The following CNNM1 variants were observed in gnomAD, a reference collection of about 807,000 sequenced individuals.
CNNM1 encodes metal transporter CNNM1.
CNNM1 carries 44 observed loss-of-function variants against 78.8 expected under a neutral mutation model. That is an observed-to-expected ratio of 0.56 (90% CI 0.44 to 0.72). The LOEUF is 0.72. Among genes scored for constraint, CNNM1 ranks in the 30% least tolerant of loss-of-function variants. CNNM1 has a pLI of 0.00. For missense variants in CNNM1, 1,101 were observed against 1,292.2 expected (o/e 0.85, Z 2.27); for synonymous variants, 584 against 581.5 (o/e 1.00, Z -0.06).
At chr10:99,362,433 G>C in intron 4 of CNNM1, 37 bp downstream of exon 4, 1 of 1,591,440 alleles carries the variant, frequency 6.3e-7, no homozygotes, top group Non-Finnish European at 8.6e-7. Context: ...GAGAGCCAGA[G>C]GAGGGCATCT....
intron 1 of CNNM1, among the ~76,000 whole-genome samples, chr10:99,338,441 G>A (rs1174598802): frequency 6.6e-6 from 1 of 151,934 alleles, no homozygotes; most frequent in South Asian, 2.1e-4. Context: ...ACCATGCCCG[G>A]CTAAATTTTT....
intron 1 of CNNM1, among the ~76,000 whole-genome samples, chr10:99,347,857 C>T (rs1278770587): frequency 1.3e-5 from 2 of 151,960 alleles, no homozygotes; most frequent in Non-Finnish European, 2.9e-5. Context: ...CCTACCTCAC[C>T]GCCTTCAGGG....
intron 1 of CNNM1, among the ~76,000 whole-genome samples, chr10:99,339,164 A>G (rs1369930708): frequency 6.6e-6 from 1 of 152,234 alleles, no homozygotes; most frequent in African/African-American, 2.4e-5. Flanking sequence ...CACGTATGCT[A>G]GGCTGCTCCA....
intron 1 of CNNM1, among the ~76,000 whole-genome samples, chr10:99,340,429 T>C (rs867529469): frequency 2.0e-5 from 3 of 152,228 alleles, no homozygotes; most frequent in Admixed American, 6.5e-5. Flanking sequence ...TATCATCCTT[T>C]GTGAGTATTC....
rs575579077 is a variant in CNNM1, at chr10:99,365,611, G to C, written c.2176+609G>C. The stretch of plus-strand genomic sequence containing the variant: ...TGCCCTTTCTGTGCTGTGCCTTCTT[G>C]CTGTTTTCTGTGTAGTTATTGCACT... On this transcript the variant is annotated intron_variant, in intron 6 of 10. Transcript: ENST00000356713. Among the ~76,000 whole-genome samples the C allele has an allele frequency of 2.0e-5, 3 of 152,280 alleles. No homozygotes were observed. The East Asian group carries it at 5.8e-4, about 29-fold the overall frequency.
rs2031269473 is a variant in CNNM1 at position 99,357,655 on chromosome 10, A to G, written c.1717A>G (p.Thr573Ala). The G allele has an allele frequency of 6.2e-7, 1 of 1,607,864 alleles. No individual in the cohort carries two copies. Among genetic ancestry groups the G allele is most frequent in the Non-Finnish European group, 8.5e-7 (1 of 1,176,988 alleles). The stretch of plus-strand genomic sequence containing the variant: ...GATCCTGGATGAAACTGATCTCTAC[A>G]GTAAGTGCACGGCCTTGGCTGTTCT... Reference protein sequence around the residue: ...SEILDETDLYTDNRKKQRVPQ... With the variant: ...SEILDETDLYADNRKKQRVPQ... The change falls in exon 2 of 11, where the codon ACT (threonine) becomes GCT (alanine). Residue 573 changes from threonine (T) to alanine (A), a missense_variant and splice_region_variant. This residue lies in a region of CNNM1 where 277 missense variants were observed against 423.2 expected (regional missense o/e 0.65). Transcript: ENST00000356713.
chr10:99,367,377 G>A (rs182619791), intron 6 of CNNM1, among the ~76,000 whole-genome samples: 178 of 152,280 alleles, frequency 1.2e-3, no homozygotes, highest in African/African-American at 4.1e-3. Flanking sequence ...CTACAAAGAA[G>A]TCTCTGGCTT....
At position 99,383,413 on chromosome 10, in the gene CNNM1, A is replaced by G. The variant is rs914316467; in HGVS notation, c.2341-4407A>G. ...CTCAGCCTCCTGAGTAGTCAGGATT[A>G]CAGGCATGCGCCACCACGCCTGGCT... On this transcript the variant is annotated intron_variant, in intron 7 of 10. Coordinates refer to ENST00000356713, the MANE Select transcript of CNNM1 (RefSeq NM_020348.3). Among the ~76,000 whole-genome samples the G allele has an allele frequency of 2.0e-5, 3 of 152,092 alleles. No individual in the cohort carries two copies. The South Asian group carries it at 6.2e-4, about 31-fold the overall frequency.
chr10:99,377,303 T>C, intron 7 of CNNM1, 85 bp downstream of exon 7: 2 of 1,324,134 alleles, frequency 1.5e-6, no homozygotes, highest in Non-Finnish European at 2.1e-6. Flanking sequence ...CCCCCATTCC[T>C]AGGAGGGATG....
intron 1 of CNNM1, among the ~76,000 whole-genome samples, chr10:99,345,059 A>G (rs963602796): frequency 6.6e-6 from 1 of 152,240 alleles, no homozygotes; most frequent in Non-Finnish European, 1.5e-5. Context: ...CAAGAGGCAG[A>G]CAGACCTGGG....
At position 99,329,957 on chromosome 10, in the gene CNNM1, T is replaced by C; in HGVS notation, c.570T>C (p.Asp190=). The change falls in exon 1 of 11, where the codon GAT becomes GAC. Residue 190 remains aspartate, a synonymous_variant. Transcript: ENST00000356713. Reference sequence around the variant, plus strand: ...AGCTCTTTTCACTCTGCGCCTGGGATGGGCGCGCGTGGCACCACCACGGCG... The same window carrying C: ...AGCTCTTTTCACTCTGCGCCTGGGACGGGCGCGCGTGGCACCACCACGGCG... ...GGKLFSLCAW[D]GRAWHHHGAA... The C allele has an allele frequency of 2.2e-6, 3 of 1,385,098 alleles. No individual in the cohort carries two copies. The highest frequency in any genetic ancestry group is 2.8e-6 in the Non-Finnish European group (3 of 1,080,570). 85.8% of individuals were successfully genotyped at this position (1,385,098 alleles called of 1,614,324 possible).
At chr10:99,344,073 T>C (rs12777602) in intron 1 of CNNM1, among the ~76,000 whole-genome samples, 148,449 of 150,150 alleles carry the variant, frequency 0.99, 73,383 homozygotes, top group East Asian at 1. Flanking sequence ...TGGCTCACCC[T>C]TGTAATCCCA....
rs141597525 is a variant in CNNM1 at position 99,350,205 on chromosome 10, G to A, written c.1574-7307G>A. ...TAAGAAAGAGGAGACACTCAATGCT[G>A]TCTACCAAATGAATAAAAGATGCTG... On this transcript the variant is annotated intron_variant, in intron 1 of 10. Transcript: ENST00000356713. Among the ~76,000 whole-genome samples the A allele has an allele frequency of 2.0e-3, 301 of 152,236 alleles. 2 individuals are homozygous for A. Among genetic ancestry groups the A allele is most frequent in the African/African-American group, 6.3e-3 (260 of 41,528 alleles).
In CNNM1 at chr10:99,392,726, C is replaced by G. The variant is rs2032508327; in HGVS notation, c.*1210C>G. 1 of 152,350 alleles carries G rather than the reference C, an allele frequency of 6.6e-6. No individual in the cohort carries two copies. Among genetic ancestry groups the G allele is most frequent in the Admixed American group, 6.5e-5 (1 of 15,304 alleles). The allele number at this position is 152,350 out of a possible 1,614,324, so 9.4% of individuals were successfully genotyped here. ...AACCGCAAAGCCGGGCGCGGTGGCTCACACCTGTAATCCCAACAGTTTGGA... is the reference window on the plus strand; with the variant it reads ...AACCGCAAAGCCGGGCGCGGTGGCTGACACCTGTAATCCCAACAGTTTGGA... On this transcript the variant is annotated 3_prime_UTR_variant, in exon 11 of 11. Transcript: ENST00000356713.
intron 3 of CNNM1, among the ~76,000 whole-genome samples, chr10:99,361,939 C>G (rs2031446500): frequency 6.6e-6 from 1 of 152,174 alleles, no homozygotes; most frequent in Non-Finnish European, 1.5e-5. Context: ...TAAATAAAAT[C>G]AAAGAAAATT....
intron 1 of CNNM1, among the ~76,000 whole-genome samples, chr10:99,333,650 T>C (rs962979330): frequency 6.6e-6 from 1 of 152,154 alleles, no homozygotes; most frequent in African/African-American, 2.4e-5. Context: ...TGGCCTCATT[T>C]AGTATTTTTT....
chr10:99,355,884 T>C (rs1371885891), intron 1 of CNNM1, among the ~76,000 whole-genome samples: 1 of 152,162 alleles, frequency 6.6e-6, no homozygotes, highest in Admixed American at 6.5e-5. Flanking sequence ...CATCGCGCAA[T>C]AAAAATGAAG....
chr10:99,378,126 G>A (rs948991931), intron 7 of CNNM1, among the ~76,000 whole-genome samples: 1 of 152,102 alleles, frequency 6.6e-6, no homozygotes, highest in African/African-American at 2.4e-5. Context: ...ACCACGTCCA[G>A]CTAACTTTTG....
At chr10:99,388,587 A>G (rs965906245) in intron 9 of CNNM1, among the ~76,000 whole-genome samples, 1 of 152,212 alleles carries the variant, frequency 6.6e-6, no homozygotes, top group Non-Finnish European at 1.5e-5. Flanking sequence ...ATGCAATTTT[A>G]GGCAAGTTAT....
Sources: allele counts gnomAD v4.1 joint callset (sites outside exome capture counted in the v4.1 genomes callset), GRCh38; gene constraint gnomAD v4.1.1; regional missense constraint gnomAD v4.1.1; transcripts MANE v1.5; gene names NCBI Gene and HGNC (gene_info 2026-07-23, HGNC 2026-07-21).